The following SHISA9 variants were observed in gnomAD, a reference collection of about 807,000 sequenced individuals.
The protein encoded by SHISA9 is shisa family member 9, also known as protein shisa-9.
SHISA9 carries 13 observed loss-of-function variants against 38.0 expected under a neutral mutation model. The ratio of observed to expected loss-of-function variants is 0.34; its 90% CI spans 0.22 to 0.54. The LOEUF (loss-of-function observed/expected upper bound fraction) is 0.54, where lower values mean the gene tolerates loss of function less well. Ranked by LOEUF, SHISA9 falls within the 20% of genes least tolerant of loss-of-function variation. The pLI is 0.91. For missense variants in SHISA9, 538 were observed against 575.8 expected (o/e 0.93, Z 0.67); for synonymous variants, 275 against 242.0 (o/e 1.14, Z -1.27).
At chr16:13,439,832 T>C in the SHISA9 span, among the ~76,000 whole-genome samples, 21 of 152,056 alleles carry the variant, frequency 1.4e-4, no homozygotes, top group Non-Finnish European at 2.5e-4. Context: ...CACAGAGCCA[T>C]AGAGGGAAAT....
chr16:12,994,794 A>T (rs997701351), intron 2 of SHISA9, among the ~76,000 whole-genome samples: 1 of 152,150 alleles, frequency 6.6e-6, no homozygotes, highest in Non-Finnish European at 1.5e-5. Context: ...GGTGGCAAGG[A>T]TGTCCGTATC....
chr16:13,211,794 C>T (rs2051122402), intron 3 of SHISA9, among the ~76,000 whole-genome samples: 1 of 152,216 alleles, frequency 6.6e-6, no homozygotes, highest in African/African-American at 2.4e-5. Flanking sequence ...AGGCAAACAG[C>T]AATGGATTTA....
chr16:12,974,280 T>C (rs1567169412), intron 2 of SHISA9, among the ~76,000 whole-genome samples: 1 of 151,990 alleles, frequency 6.6e-6, no homozygotes, highest in Admixed American at 6.6e-5. Flanking sequence ...TTATTGATAA[T>C]TTCTCTAAAA....
At chr16:13,320,809 G>A in the SHISA9 span, among the ~76,000 whole-genome samples, 1 of 152,194 alleles carries the variant, frequency 6.6e-6, no homozygotes, top group Admixed American at 6.5e-5. Context: ...GACTAAATAT[G>A]GACTCATTCT....
the SHISA9 span, among the ~76,000 whole-genome samples, chr16:13,246,903 T>C: frequency 6.6e-6 from 1 of 151,968 alleles, no homozygotes; most frequent in South Asian, 2.1e-4. Context: ...ATCATCATTG[T>C]AGCACTCTGT....
chr16:13,050,725 T>C (rs1439891836), intron 2 of SHISA9, among the ~76,000 whole-genome samples: 1 of 152,230 alleles, frequency 6.6e-6, no homozygotes, highest in Non-Finnish European at 1.5e-5. Flanking sequence ...AGCCAGGCCA[T>C]GGAAGAGTTA....
intron 2 of SHISA9, among the ~76,000 whole-genome samples, chr16:13,052,934 C>T (rs528005813): frequency 1.3e-5 from 2 of 148,838 alleles, no homozygotes; most frequent in South Asian, 4.3e-4. Context: ...CAAAGAAATC[C>T]TTTAGGATCC....
At chr16:13,441,969 A>ATTT in the SHISA9 span, among the ~76,000 whole-genome samples, 1 of 152,362 alleles carries the variant, frequency 6.6e-6, no homozygotes, top group South Asian at 2.1e-4. Flanking sequence ...TCTACTCTGT[A>ATTT]TTTGCAAATG....
At chr16:13,547,611 A>G in the SHISA9 span, among the ~76,000 whole-genome samples, 35 of 152,236 alleles carry the variant, frequency 2.3e-4, no homozygotes, top group African/African-American at 7.5e-4. Flanking sequence ...CAGGCCCTCA[A>G]TGGTTTGGAT....
chr16:13,154,871 A>T (rs1190832936), intron 2 of SHISA9, among the ~76,000 whole-genome samples: 1 of 152,132 alleles, frequency 6.6e-6, no homozygotes, highest in Non-Finnish European at 1.5e-5. Flanking sequence ...TGTTCTCAGG[A>T]TGTTTTGTCA....
chr16:13,491,095 A>G, the SHISA9 span, among the ~76,000 whole-genome samples: 4 of 152,198 alleles, frequency 2.6e-5, no homozygotes, highest in South Asian at 4.1e-4. Context: ...AATAGGCTCT[A>G]TTGTCTCCAT....
the SHISA9 span, among the ~76,000 whole-genome samples, chr16:13,510,002 T>C: frequency 6.6e-6 from 1 of 152,128 alleles, no homozygotes; most frequent in African/African-American, 2.4e-5. Flanking sequence ...GATCTTATTA[T>C]TATTTGTTAG....
chr16:13,520,857 C>T, the SHISA9 span, among the ~76,000 whole-genome samples: 7 of 152,104 alleles, frequency 4.6e-5, no homozygotes, highest in Non-Finnish European at 1.0e-4. Context: ...TTGTTTTTTA[C>T]TGACATATAA....
chr16:13,368,002 C>G, the SHISA9 span, among the ~76,000 whole-genome samples: 1 of 152,068 alleles, frequency 6.6e-6, no homozygotes, highest in Admixed American at 6.5e-5. Context: ...GTGCACTGCA[C>G]CCACTAACTC....
chr16:12,943,009 C>T (rs1322433566), intron 2 of SHISA9, among the ~76,000 whole-genome samples: 1 of 152,070 alleles, frequency 6.6e-6, no homozygotes, highest in East Asian at 1.9e-4. Flanking sequence ...AGGATGGTCA[C>T]CAGCAGCTGC....
chr16:13,134,885 A>G (rs2050335169), intron 2 of SHISA9, among the ~76,000 whole-genome samples: 3 of 152,176 alleles, frequency 2.0e-5, no homozygotes, highest in African/African-American at 7.2e-5. Context: ...CCACCCCTTC[A>G]GCCACCTGTG....
the SHISA9 span, among the ~76,000 whole-genome samples, chr16:13,278,636 AAGCT>A: frequency 6.6e-6 from 1 of 152,042 alleles, no homozygotes; most frequent in Non-Finnish European, 1.5e-5. Flanking sequence ...TTCCTGATTT[AAGCT>A]AGGAGGGTTG....
intron 2 of SHISA9, among the ~76,000 whole-genome samples, chr16:13,106,966 TTCTCTC>T (rs56109043): frequency 0.26 from 37,792 of 145,002 alleles, 4,963 homozygotes; most frequent in South Asian, 0.41. Context: ...CTTTCTCACG[TTCTCTC>T]TCTCTCTCTC....
chr16:12,975,656 C>CGGGGCGG (rs2072150149), intron 2 of SHISA9, among the ~76,000 whole-genome samples: 1 of 109,574 alleles, frequency 9.1e-6, no homozygotes, highest in South Asian at 3.4e-4. Flanking sequence ...GGGACGGGGG[C>CGGGGCGG]GGGGGGGGTA....
Sources: allele counts gnomAD v4.1 joint callset (sites outside exome capture counted in the v4.1 genomes callset), GRCh38; gene constraint gnomAD v4.1.1; transcripts MANE v1.5; gene names NCBI Gene and HGNC (gene_info 2026-07-23, HGNC 2026-07-21).